Variants in TIMMDC1 observed in about 807,000 individuals in gnomAD.
The protein encoded by TIMMDC1 is complex I assembly factor TIMMDC1, mitochondrial.
In TIMMDC1, 25 loss-of-function variants were observed where a neutral mutation model predicts 32.6. The observed-to-expected ratio is 0.77, with a 90% CI of 0.56 to 1.07. The LOEUF (loss-of-function observed/expected upper bound fraction) is 1.07, where lower values mean the gene tolerates loss of function less well. TIMMDC1 is among the 50% of genes least tolerant of loss of function. The pLI is 0.00. For synonymous variants in TIMMDC1, 130 were observed against 127.6 expected, an observed-to-expected ratio of 1.02 and a Z score of -0.13; for missense variants, 329 against 349.2, an observed-to-expected ratio of 0.94 and a Z score of 0.46.
rs139837444 is a variant in TIMMDC1, at chr3:119,519,528, T to C, written c.707+2213T>C. Among the ~76,000 whole-genome samples, 38 of 152,170 alleles carry C rather than the reference T, an allele frequency of 2.5e-4. No homozygotes were observed. The East Asian group carries it at 6.9e-3, about 28-fold the overall frequency. On this transcript the variant is annotated intron_variant, in intron 6 of 6. Transcript: ENST00000494664. ...AAGAGACAAGGTCATTATATAATGG[T>C]AAAGAGATCAATTCAGCAAGAGGAA...
rs768211207 is a variant in TIMMDC1 at position 119,503,556 on chromosome 3, CGAG to C, written c.387_389del (p.Gly130del). 1 of 1,611,840 alleles carries C rather than the reference CGAG, an allele frequency of 6.2e-7. No homozygotes were observed. The highest frequency in any genetic ancestry group is 1.1e-5 in the South Asian group (1 of 90,458). On this transcript the variant is annotated inframe_deletion, in exon 3 of 7. Coordinates refer to ENST00000494664, the MANE Select transcript of TIMMDC1 (RefSeq NM_016589.4). The stretch of plus-strand genomic sequence containing the variant: ...GCAATCTGCACATCGTGCTGCCACA[CGAG>C]GCTTCATTCGTTATGGCTGGCGCTG...
At chr3:119,502,659 A>G (rs1166752159) in intron 2 of TIMMDC1, among the ~76,000 whole-genome samples, 1 of 152,008 alleles carries the variant, frequency 6.6e-6, no homozygotes, top group Non-Finnish European at 1.5e-5. Context: ...TCTGGACTCA[A>G]GGTTTCCTCC....
intron 6 of TIMMDC1, among the ~76,000 whole-genome samples, chr3:119,518,646 G>A (rs2082002271): frequency 6.6e-6 from 1 of 152,156 alleles, no homozygotes; most frequent in Non-Finnish European, 1.5e-5. Context: ...AGATGGAAAA[G>A]CTTAAGAATG....
chr3:119,515,706 T>C (rs1233488017), intron 5 of TIMMDC1, among the ~76,000 whole-genome samples: 1 of 152,264 alleles, frequency 6.6e-6, no homozygotes, highest in Admixed American at 6.5e-5. Flanking sequence ...ATTAGTAATC[T>C]GGAGGGTGAA....
At chr3:119,522,251 G>T (rs73189804) in intron 6 of TIMMDC1, among the ~76,000 whole-genome samples, 10,875 of 152,208 alleles carry the variant, frequency 0.071, 528 homozygotes, top group African/African-American at 0.14. Context: ...CCTGTCATTT[G>T]TGGGAACATG....
At position 119,523,646 on chromosome 3, in the gene TIMMDC1, A is replaced by C. The variant is rs749117051; in HGVS notation, c.748A>C (p.Ile250Leu). ...LQVTEHLPEK[I>L]ESSLQEDEPE... ...AGTTACTGAGCACCTCCCTGAGAAA[A>C]TTGAAAGTAGTTTACAGGAAGATGA... The change falls in exon 7 of 7, where the codon ATT becomes CTT. Residue 250 changes from isoleucine to leucine, a missense_variant. Ile to Leu is a conservative substitution (Grantham distance 5, BLOSUM62 2). Transcript: ENST00000494664. 6.2e-7 allele frequency: 1 copy of C among 1,612,872 alleles called. No homozygotes were observed. Among genetic ancestry groups the C allele is most frequent in the East Asian group, 2.2e-5 (1 of 44,874 alleles).
At chr3:119,499,068 C>T (rs1458750709) in intron 1 of TIMMDC1, 141 bp downstream of exon 1, 9 of 655,794 alleles carry the variant, frequency 1.4e-5, no homozygotes, top group African/African-American at 1.1e-4. Flanking sequence ...ATATTTGTAA[C>T]CCAAGCTTGT....
chr3:119,504,010 T>C lies in TIMMDC1; in HGVS notation c.506T>C (p.Val169Ala), dbSNP rs1166679169. ...YRNKDALSHF[V>A]IAGAVTGSLF... ...AATAAAGATGCCTTAAGCCATTTTG[T>C]AATTGCAGGAGGTAAGACATTTTTG... The change falls in exon 4 of 7, where the codon GTA (valine) becomes GCA (alanine). Residue 169 changes from valine (V) to alanine (A), a missense_variant. Physicochemically the swap from Val to Ala is moderately conservative, Grantham distance 64. Coordinates refer to ENST00000494664, the MANE Select transcript of TIMMDC1 (RefSeq NM_016589.4). 1 of 1,612,346 alleles carries C rather than the reference T, an allele frequency of 6.2e-7. No homozygotes were observed. The highest frequency in any genetic ancestry group is 2.2e-5 in the East Asian group (1 of 44,852).
At chr3:119,517,838 C>T (rs973343378) in intron 6 of TIMMDC1, among the ~76,000 whole-genome samples, 18 of 151,954 alleles carry the variant, frequency 1.2e-4, no homozygotes, top group East Asian at 1.9e-4. Flanking sequence ...CATGGTGGCA[C>T]GTGCCTGTAG....
intron 6 of TIMMDC1, among the ~76,000 whole-genome samples, chr3:119,519,573 A>G (rs1184705179): frequency 6.6e-6 from 1 of 152,198 alleles, no homozygotes; most frequent in Admixed American, 6.5e-5. Flanking sequence ...GTAAATATAT[A>G]TGCACCCAAC....
intron 4 of TIMMDC1, among the ~76,000 whole-genome samples, chr3:119,513,213 C>T (rs1407079370): frequency 6.6e-6 from 1 of 152,188 alleles, no homozygotes; most frequent in Non-Finnish European, 1.5e-5. Context: ...GCTTGCTTGT[C>T]ACCCTGCCTG....
intron 2 of TIMMDC1, among the ~76,000 whole-genome samples, chr3:119,502,901 A>G (rs1240195594): frequency 6.6e-6 from 1 of 152,076 alleles, no homozygotes. Context: ...AACAATTATG[A>G]CTGTGGTGGC....
At chr3:119,518,828 C>T (rs1356021759) in intron 6 of TIMMDC1, among the ~76,000 whole-genome samples, 6 of 152,090 alleles carry the variant, frequency 3.9e-5, no homozygotes, top group African/African-American at 1.4e-4. Context: ...CCAGCAGAAA[C>T]CTTACAAGTC....
intron 4 of TIMMDC1, among the ~76,000 whole-genome samples, chr3:119,505,332 C>T (rs189181428): frequency 3.3e-5 from 5 of 151,874 alleles, no homozygotes; most frequent in African/African-American, 4.8e-5. Context: ...CTTTTATGTA[C>T]AACACACATA....
At position 119,503,580 on chromosome 3, in the gene TIMMDC1, C is replaced by T. The variant is rs201550424; in HGVS notation, c.409C>T (p.Arg137Cys). 79 of 1,611,378 alleles carry T rather than the reference C, an allele frequency of 4.9e-5. No homozygotes were observed. The highest frequency in any genetic ancestry group is 8.9e-5 in the East Asian group (4 of 44,832). ...ACGAGGCTTCATTCGTTATGGCTGG[C>T]GCTGGGGTTGGAGAACTGCAGTGTT... ...ATRGFIRYGW[R>C]WGWRTAVFVT... is the part of the protein sequence containing the mutation. The change falls in exon 3 of 7, where the codon CGC becomes TGC. Residue 137 changes from arginine (R) to cysteine (C), a missense_variant. Arg to Cys is a radical substitution (Grantham distance 180, BLOSUM62 -3). Transcript: ENST00000494664.
In TIMMDC1 at chr3:119,513,670, G is replaced by T. The variant is rs146874731; in HGVS notation, c.547G>T (p.Val183Leu). The change falls in exon 5 of 7, where the codon GTA becomes TTA. Residue 183 changes from valine (V) to leucine (L), a missense_variant. Physicochemically the swap from Val to Leu is conservative, Grantham distance 32 (BLOSUM62 1). Coordinates refer to ENST00000494664, the MANE Select transcript of TIMMDC1 (RefSeq NM_016589.4). ...CACGGGAAGTCTTTTTAGGATAAACGTAGGCCTGCGTGGCCTGGTGGCTGG... is the reference window on the plus strand; with the variant it reads ...CACGGGAAGTCTTTTTAGGATAAACTTAGGCCTGCGTGGCCTGGTGGCTGG... ...AVTGSLFRIN[V>L]GLRGLVAGGI... The T allele has an allele frequency of 1.2e-6, 2 of 1,612,028 alleles. No individual in the cohort carries two copies. Among genetic ancestry groups the T allele is most frequent in the South Asian group, 1.1e-5 (1 of 90,822 alleles).
intron 2 of TIMMDC1, among the ~76,000 whole-genome samples, chr3:119,502,956 G>C (rs1206378714): frequency 1.3e-5 from 2 of 152,100 alleles, no homozygotes; most frequent in African/African-American, 4.8e-5. Context: ...TACATTTATT[G>C]GTTAGTATTA....
At chr3:119,509,399 A>C (rs879914708) in intron 4 of TIMMDC1, among the ~76,000 whole-genome samples, 7 of 152,246 alleles carry the variant, frequency 4.6e-5, no homozygotes, top group Non-Finnish European at 1.0e-4. Context: ...TGATATGTCC[A>C]TTCACTTGAA....
Position 119,503,560 on chromosome 3 carries a change from G to T in TIMMDC1, c.389G>T (p.Gly130Val), listed in dbSNP as rs367654267. The change falls in exon 3 of 7, where the codon GGC (glycine) becomes GTC (valine). Residue 130 changes from glycine (G) to valine (V), a missense_variant. By Grantham distance (109) the Gly-to-Val change is moderately radical. Transcript: ENST00000494664. ...TCTGCACATCGTGCTGCCACACGAG[G>T]CTTCATTCGTTATGGCTGGCGCTGG... ...VQSAHRAATR[G>V]FIRYGWRWGW... 1.2e-6 allele frequency: 2 copies of T among 1,612,300 alleles called. No individual in the cohort carries two copies. Among genetic ancestry groups the T allele is most frequent in the Non-Finnish European group, 1.7e-6 (2 of 1,179,506 alleles).
Sources: gnomAD v4.1 joint callset for allele counts (sites outside exome capture counted in the v4.1 genomes callset) on GRCh38, gnomAD v4.1.1 for gene constraint, MANE v1.5 for transcripts, NCBI Gene and HGNC (gene_info 2026-07-23, HGNC 2026-07-21) for gene names.